The following BBS9 variants were observed in gnomAD, a reference collection of about 807,000 sequenced individuals.
The protein encoded by BBS9 is Bardet-Biedl syndrome 9, also known as protein PTHB1.
Under a neutral mutation model 117.7 loss-of-function variants are expected in BBS9, and 89 were observed. That is an observed-to-expected ratio of 0.76 (90% CI 0.64 to 0.90). BBS9 has a LOEUF of 0.90. Ranked by LOEUF, BBS9 falls within the 40% of genes least tolerant of loss-of-function variation. The probability of loss-of-function intolerance (pLI) is 0.00; values close to 1 mark genes in which losing one functional copy is unlikely to be tolerated. For synonymous variants in BBS9, 379 were observed against 370.9 expected, an observed-to-expected ratio of 1.02 and a Z score of -0.25; for missense variants, 982 against 1,042.2, an observed-to-expected ratio of 0.94 and a Z score of 0.80.
intron 19 of BBS9, among the ~76,000 whole-genome samples, chr7:33,438,686 A>G (rs1053064140): frequency 1.3e-5 from 2 of 152,230 alleles, no homozygotes; most frequent in Non-Finnish European, 2.9e-5. Flanking sequence ...ACAAATTCCC[A>G]TACACTACTT....
At chr7:33,627,542 A>T (rs556887760) in intron 21 of BBS9, among the ~76,000 whole-genome samples, 2 of 152,140 alleles carry the variant, frequency 1.3e-5, no homozygotes, top group Non-Finnish European at 2.9e-5. Context: ...TGTACCATGT[A>T]CCTGGAAAAG....
At chr7:33,523,289 T>G (rs1481841801) in intron 20 of BBS9, among the ~76,000 whole-genome samples, 4 of 144,022 alleles carry the variant, frequency 2.8e-5, no homozygotes, top group African/African-American at 8.1e-5. Context: ...GTGAAGAAAG[T>G]CATTGGTAGC....
intron 19 of BBS9, among the ~76,000 whole-genome samples, chr7:33,395,551 A>G (rs1053047358): frequency 2.7e-4 from 41 of 152,110 alleles, no homozygotes; most frequent in African/African-American, 9.7e-4. Flanking sequence ...GTCAGATGAC[A>G]TATGTGTGAT....
At chr7:33,250,462 G>C (rs534558850) in intron 5 of BBS9, among the ~76,000 whole-genome samples, 2 of 152,252 alleles carry the variant, frequency 1.3e-5, no homozygotes, top group East Asian at 3.9e-4. Context: ...CATTGCTTTT[G>C]TGAAGGCTTC....
At chr7:33,499,919 G>C (rs1350173535) in intron 19 of BBS9, among the ~76,000 whole-genome samples, 6 of 152,124 alleles carry the variant, frequency 3.9e-5, no homozygotes, top group Admixed American at 3.9e-4. Flanking sequence ...TGTAATGTGA[G>C]ATTTTATAGA....
At chr7:33,435,438 A>T (rs1042027658) in intron 19 of BBS9, among the ~76,000 whole-genome samples, 1 of 152,200 alleles carries the variant, frequency 6.6e-6, no homozygotes, top group Non-Finnish European at 1.5e-5. Context: ...TGAGTAAAAT[A>T]TCCCTTTTGT....
chr7:33,627,646 A>C (rs1865704399), intron 21 of BBS9, among the ~76,000 whole-genome samples: 1 of 152,178 alleles, frequency 6.6e-6, no homozygotes, highest in Non-Finnish European at 1.5e-5. Flanking sequence ...TTAGGAGCCC[A>C]CCCCTTGCAT....
intron 21 of BBS9, among the ~76,000 whole-genome samples, chr7:33,596,238 C>T (rs1003239482): frequency 3.4e-5 from 5 of 147,190 alleles, no homozygotes; most frequent in African/African-American, 1.3e-4. Flanking sequence ...TCCAAGATGG[C>T]CCCTGAGCAC....
At chr7:33,388,391 T>C (rs1260884416) in intron 19 of BBS9, among the ~76,000 whole-genome samples, 2 of 151,140 alleles carry the variant, frequency 1.3e-5, no homozygotes, top group Non-Finnish European at 2.9e-5. Context: ...CCCGGAGTTG[T>C]TGTGAGGATT....
intron 20 of BBS9, among the ~76,000 whole-genome samples, chr7:33,524,637 T>C (rs1405072972): frequency 6.6e-6 from 1 of 152,178 alleles, no homozygotes; most frequent in Non-Finnish European, 1.5e-5. Flanking sequence ...GATTCTTCTC[T>C]CTTTTTTTCT....
intron 14 of BBS9, 187 bp downstream of exon 14, chr7:33,351,510 C>G (rs1032876670): frequency 3.4e-5 from 21 of 617,056 alleles, no homozygotes; most frequent in Admixed American, 1.2e-4. Context: ...GGCTATTTAG[C>G]TGATTTCCAT....
At chr7:33,396,297 A>G (rs567313642) in intron 19 of BBS9, among the ~76,000 whole-genome samples, 1 of 152,236 alleles carries the variant, frequency 6.6e-6, no homozygotes, top group African/African-American at 2.4e-5. Context: ...TCATAGTACT[A>G]CTATTTGAAG....
intron 21 of BBS9, among the ~76,000 whole-genome samples, chr7:33,537,161 G>A (rs1449960306): frequency 3.3e-5 from 5 of 152,288 alleles, no homozygotes; most frequent in Non-Finnish European, 5.9e-5. Context: ...AAAGGCAGGA[G>A]TGTGTGTAAT....
At chr7:33,401,167 C>T (rs1324872162) in intron 19 of BBS9, among the ~76,000 whole-genome samples, 2 of 152,322 alleles carry the variant, frequency 1.3e-5, no homozygotes, top group East Asian at 3.9e-4. Flanking sequence ...GGCTTCTAGC[C>T]CATCACTTAA....
chr7:33,192,349 G>T (rs955211176), intron 5 of BBS9, among the ~76,000 whole-genome samples: 2 of 152,182 alleles, frequency 1.3e-5, no homozygotes, highest in African/African-American at 4.8e-5. Context: ...AATAGGAAAA[G>T]TGGCATATTA....
chr7:33,338,953 A>G (rs1815952424), intron 10 of BBS9, among the ~76,000 whole-genome samples: 1 of 152,230 alleles, frequency 6.6e-6, no homozygotes, highest in Admixed American at 6.5e-5. Flanking sequence ...GGGGATATAA[A>G]TGAAAGTCTG....
Position 33,140,889 on chromosome 7 carries a change from C to T in BBS9, c.-11-5353C>T, listed in dbSNP as rs538586922. ...ATATTTGTTCACTTCCATCAACTCC[C>T]AGTGTTTATCTAACTTCTTTCTTAG... On this transcript the variant is annotated intron_variant, in intron 1 of 22. Transcript: ENST00000242067. 2.6e-5 allele frequency among the ~76,000 whole-genome samples: 4 copies of T among 152,290 alleles called. No individual in the cohort carries two copies. In the South Asian group the frequency reaches 6.2e-4, roughly 24 times the overall value.
intron 7 of BBS9, among the ~76,000 whole-genome samples, chr7:33,271,415 G>C (rs1041633776): frequency 2.6e-5 from 4 of 152,122 alleles, no homozygotes; most frequent in African/African-American, 9.7e-5. Context: ...AAAACACACA[G>C]AGTGGCAAAC....
intron 18 of BBS9, 115 bp from the exon 19 acceptor site, chr7:33,387,877 A>C: frequency 8.8e-6 from 10 of 1,133,666 alleles, no homozygotes; most frequent in Non-Finnish European, 1.3e-5. Context: ...TTAACTCTAT[A>C]ATGCATTTAA....
Sources: gnomAD v4.1 joint callset for allele counts (sites outside exome capture counted in the v4.1 genomes callset) on GRCh38, gnomAD v4.1.1 for gene constraint, MANE v1.5 for transcripts, NCBI Gene and HGNC (gene_info 2026-07-23, HGNC 2026-07-21) for gene names.